Variants in POLA2 observed in about 807,000 individuals in gnomAD.
The protein encoded by POLA2 is DNA polymerase alpha subunit B.
Under a neutral mutation model 82.8 loss-of-function variants are expected in POLA2, and 47 were observed. The observed-to-expected ratio is 0.57, with a 90% CI of 0.45 to 0.72. The LOEUF is 0.72. Ranked by LOEUF, POLA2 falls within the 30% of genes least tolerant of loss-of-function variation. POLA2 has a pLI of 0.00. For missense variants in POLA2, 634 were observed against 728.1 expected (o/e 0.87, Z 1.49); for synonymous variants, 287 against 286.8 (o/e 1.00, Z -0.01).
At chr11:65,270,761 C>T (rs888138454) in intron 4 of POLA2, among the ~76,000 whole-genome samples, 5 of 152,224 alleles carry the variant, frequency 3.3e-5, no homozygotes, top group African/African-American at 1.2e-4. Flanking sequence ...AGCCTCCTAA[C>T]TAGTCCATTG....
intron 6 of POLA2, among the ~76,000 whole-genome samples, chr11:65,279,224 G>A (rs1348429325): frequency 6.6e-6 from 1 of 152,182 alleles, no homozygotes; most frequent in African/African-American, 2.4e-5. Context: ...GCCTTCTTCA[G>A]GTTGGCCTTG....
At chr11:65,267,621 A>T (rs1481149012) in intron 3 of POLA2, 53 bp downstream of exon 3, 1 of 1,200,054 alleles carries the variant, frequency 8.3e-7, no homozygotes, top group Non-Finnish European at 1.2e-6. Context: ...GTATTTTATA[A>T]TTTGTCTGTA....
intron 12 of POLA2, among the ~76,000 whole-genome samples, chr11:65,289,469 G>A (rs571545812): frequency 4.6e-5 from 7 of 152,294 alleles, no homozygotes; most frequent in African/African-American, 1.4e-4. Context: ...CATAAAACAC[G>A]AATGGTCCTT....
intron 5 of POLA2, 77 bp downstream of exon 5, chr11:65,276,075 C>T (rs764920752): frequency 1.2e-5 from 9 of 754,194 alleles, no homozygotes; most frequent in Non-Finnish European, 1.9e-5. Context: ...GGAAGGCTAA[C>T]AGCAGAGTTA....
At chr11:65,279,410 G>A (rs541568111) in intron 6 of POLA2, 128 bp from the exon 7 acceptor site, 2 of 659,210 alleles carry the variant, frequency 3.0e-6, no homozygotes, top group African/African-American at 3.7e-5. Flanking sequence ...AAACTGGCCA[G>A]ATGTCCAGGC....
intron 7 of POLA2, chr11:65,280,772 G>A: frequency 1.9e-6 from 1 of 535,434 alleles, no homozygotes; most frequent in Non-Finnish European, 3.3e-6. Flanking sequence ...TCCTAGGAAG[G>A]CTCAAGTGCT....
At chr11:65,286,658 G>A (rs1565485229) in intron 10 of POLA2, among the ~76,000 whole-genome samples, 1 of 152,144 alleles carries the variant, frequency 6.6e-6, no homozygotes, top group South Asian at 2.1e-4. Context: ...TCAAAGTGCT[G>A]GAATTACAGG....
intron 5 of POLA2, among the ~76,000 whole-genome samples, chr11:65,277,179 C>CTTT (rs533891221): frequency 2.4e-5 from 3 of 124,380 alleles, no homozygotes; most frequent in African/African-American, 5.9e-5. Flanking sequence ...TCTTTTCTTT[C>CTTT]TTTTTTTTTT....
At chr11:65,274,353 C>T (rs1205376384) in intron 4 of POLA2, among the ~76,000 whole-genome samples, 2 of 145,284 alleles carry the variant, frequency 1.4e-5, no homozygotes, top group East Asian at 2.0e-4. Flanking sequence ...GCAACAAGAG[C>T]GAAGTGAAAT....
intron 13 of POLA2, among the ~76,000 whole-genome samples, chr11:65,292,301 C>G (rs1293796946): frequency 6.6e-6 from 1 of 152,226 alleles, no homozygotes; most frequent in Non-Finnish European, 1.5e-5. Context: ...CGGTTCTCGT[C>G]CTGTTTGCGG....
chr11:65,285,580 A>G (rs889882560), intron 10 of POLA2, among the ~76,000 whole-genome samples: 1 of 151,708 alleles, frequency 6.6e-6, no homozygotes, highest in African/African-American at 2.4e-5. Context: ...ATCTCAAAAA[A>G]AAAAAAAAAA....
chr11:65,266,790 T>G, intron 2 of POLA2, 84 bp downstream of exon 2: 1 of 1,449,096 alleles, frequency 6.9e-7, no homozygotes, highest in Non-Finnish European at 9.6e-7. Flanking sequence ...TTGAGAGGAG[T>G]GTGGGCTTTC....
rs533601135 is a variant in POLA2 at position 65,286,401 on chromosome 11, CT to C, written c.1007-1305del. On this transcript the variant is annotated intron_variant, in intron 10 of 17. Coordinates refer to ENST00000265465, the MANE Select transcript of POLA2 (RefSeq NM_002689.4). ...AACTGTAATATAATAAATTCGTGGGCTTTTTTTTTTCTTTTTTTTTGAGACA... is the reference window on the plus strand; with the variant it reads ...AACTGTAATATAATAAATTCGTGGGCTTTTTTTTTCTTTTTTTTTGAGACA... Among the ~76,000 whole-genome samples the C allele has an allele frequency of 2.3e-3, 333 of 147,926 alleles. 1 individual carries two copies. The highest frequency in any genetic ancestry group is 3.3e-3 in the Admixed American group (49 of 14,738).
intron 5 of POLA2, among the ~76,000 whole-genome samples, chr11:65,277,398 G>A (rs1053284519): frequency 6.6e-5 from 10 of 152,074 alleles, no homozygotes; most frequent in East Asian, 5.8e-4. Context: ...AGCTGGTCTC[G>A]AACTCCTGGC....
At chr11:65,279,430 G>A in intron 6 of POLA2, 108 bp from the exon 7 acceptor site, 11 of 732,918 alleles carry the variant, frequency 1.5e-5, no homozygotes, top group Non-Finnish European at 2.5e-5. Flanking sequence ...CACCCTTCCT[G>A]CTTCTGTAAA....
chr11:65,278,861 G>C lies in POLA2; in HGVS notation c.593G>C (p.Cys198Ser), dbSNP rs2137536165. Residue 198 changes from cysteine to serine, a missense_variant, in exon 6 of 18, where the codon TGT becomes TCT. Cys to Ser is a moderately radical substitution (Grantham distance 112, BLOSUM62 -1). Transcript: ENST00000265465. Reference protein sequence around the residue: ...AGNISLKVLGCPEALTGSYKS... With the variant: ...AGNISLKVLGSPEALTGSYKS... ...AACATCAGCCTGAAGGTCTTGGGATGTCCAGAGGCACTAACTGGGAGCTAC... is the reference window on the plus strand; with the variant it reads ...AACATCAGCCTGAAGGTCTTGGGATCTCCAGAGGCACTAACTGGGAGCTAC... The C allele has an allele frequency of 6.2e-7, 1 of 1,613,844 alleles. No homozygotes were observed. The highest frequency in any genetic ancestry group is 1.7e-4 in the Middle Eastern group (1 of 5,788).
intron 4 of POLA2, among the ~76,000 whole-genome samples, chr11:65,269,503 A>C (rs1314012804): frequency 1.5e-4 from 22 of 151,312 alleles, no homozygotes; most frequent in African/African-American, 5.1e-4. Context: ...AAAAAAAAAA[A>C]CAACAACAAC....
At position 65,262,305 on chromosome 11, in the gene POLA2, G is replaced by T. The variant is rs151129443; in HGVS notation, c.13G>T (p.Ala5Ser). 788 of 1,613,292 alleles carry T rather than the reference G, an allele frequency of 4.9e-4. No individual in the cohort carries two copies. Among genetic ancestry groups the T allele is most frequent in the Non-Finnish European group, 5.9e-4 (696 of 1,179,668 alleles). Reference protein sequence around the residue: MSASAQQLAEELQIF... With the variant: MSASSQQLAEELQIF... ...GGCTTGGGCGACCATGTCCGCATCCGCCCAGCAGCTGGCGGAGGAGCTGCA... is the reference window on the plus strand; with the variant it reads ...GGCTTGGGCGACCATGTCCGCATCCTCCCAGCAGCTGGCGGAGGAGCTGCA... Residue 5 changes from alanine (A) to serine (S), a missense_variant, in exon 1 of 18, where the codon GCC (alanine) becomes TCC (serine). By Grantham distance (99) the Ala-to-Ser change is moderately conservative. Transcript: ENST00000265465.
chr11:65,262,451 G>A, intron 1 of POLA2, 80 bp downstream of exon 1: 1 of 1,194,620 alleles, frequency 8.4e-7, no homozygotes, highest in South Asian at 1.4e-5. Flanking sequence ...ACCGAAAGTG[G>A]AGCGCTTCCA....
Sources: allele counts gnomAD v4.1 joint callset (sites outside exome capture counted in the v4.1 genomes callset), GRCh38; gene constraint gnomAD v4.1.1; transcripts MANE v1.5; gene names NCBI Gene and HGNC (gene_info 2026-07-23, HGNC 2026-07-21).